Variants in EXOC4 observed in about 807,000 individuals in gnomAD.
The protein encoded by EXOC4 is SEC8-like 1.
A neutral mutation model predicts 107.2 loss-of-function variants in EXOC4; 71 were observed. The ratio of observed to expected loss-of-function variants is 0.66; its 90% CI spans 0.55 to 0.81. The LOEUF is 0.81. Among genes scored for constraint, EXOC4 ranks in the 30% least tolerant of loss-of-function variants. EXOC4 has a pLI of 0.00. For synonymous variants in EXOC4, 456 were observed against 441.2 expected (o/e 1.03, Z -0.42); for missense variants, 1,108 against 1,189.6 (o/e 0.93, Z 1.01).
At chr7:133,570,288 C>T (rs1800994912) in intron 9 of EXOC4, among the ~76,000 whole-genome samples, 1 of 152,156 alleles carries the variant, frequency 6.6e-6, no homozygotes, top group Non-Finnish European at 1.5e-5. Context: ...CTTACAGTCT[C>T]ACCAGTTAGT....
At chr7:133,300,265 A>G (rs1042223950) in intron 3 of EXOC4, among the ~76,000 whole-genome samples, 2 of 152,200 alleles carry the variant, frequency 1.3e-5, no homozygotes, top group African/African-American at 2.4e-5. Flanking sequence ...CTCCTGATGC[A>G]GCTGTCTTTG....
At chr7:133,480,346 T>A (rs1311598663) in intron 9 of EXOC4, 14 of 1,377,892 alleles carry the variant, frequency 1.0e-5, no homozygotes, top group Non-Finnish European at 1.2e-5. Flanking sequence ...GACCTGCTAC[T>A]GTTCAAGTGG....
At chr7:133,512,956 C>G (rs1584969222) in intron 9 of EXOC4, among the ~76,000 whole-genome samples, 1 of 152,040 alleles carries the variant, frequency 6.6e-6, no homozygotes, top group Non-Finnish European at 1.5e-5. Flanking sequence ...AATACAAAAA[C>G]TAGCCGGGCC....
At chr7:133,847,410 C>T (rs1236398821) in intron 11 of EXOC4, among the ~76,000 whole-genome samples, 8 of 149,350 alleles carry the variant, frequency 5.4e-5, no homozygotes, top group East Asian at 3.9e-4. Flanking sequence ...GACTGAGTCT[C>T]GCTCTGCCCC....
the EXOC4 span, among the ~76,000 whole-genome samples, chr7:134,099,164 G>C: frequency 6.6e-6 from 1 of 152,124 alleles, no homozygotes; most frequent in Admixed American, 6.5e-5. Context: ...GGTCATACTG[G>C]AGTAAGGTGA....
chr7:133,971,272 T>G (rs535346777), intron 14 of EXOC4, among the ~76,000 whole-genome samples: 1 of 133,302 alleles, frequency 7.5e-6, no homozygotes, highest in African/African-American at 2.6e-5. Flanking sequence ...TTGTTGGTTT[T>G]TTAAAAAAAA....
chr7:133,857,087 A>T (rs1221599685), intron 11 of EXOC4, among the ~76,000 whole-genome samples: 3 of 122,522 alleles, frequency 2.4e-5, no homozygotes, highest in Non-Finnish European at 3.3e-5. Context: ...ACAGAGAGAG[A>T]CTCCGTCTTT....
At chr7:133,910,272 T>A (rs1387086504) in intron 12 of EXOC4, among the ~76,000 whole-genome samples, 1 of 152,196 alleles carries the variant, frequency 6.6e-6, no homozygotes, top group East Asian at 1.9e-4. Flanking sequence ...TACAGTATAA[T>A]TTTTTTCTTC....
chr7:133,538,268 A>C (rs545193614), intron 9 of EXOC4, among the ~76,000 whole-genome samples: 2 of 152,202 alleles, frequency 1.3e-5, no homozygotes, highest in African/African-American at 4.8e-5. Context: ...ATTATCGGTC[A>C]TCCTTCATGG....
rs929830126 is a variant in EXOC4 at position 133,490,743 on chromosome 7, A to G, written c.1417+10605A>G. On this transcript the variant is annotated intron_variant, in intron 9 of 17. Coordinates refer to ENST00000253861, the MANE Select transcript of EXOC4 (RefSeq NM_021807.4). ...AGAGATTAAGAATTGATAAGAACCA[A>G]TGGTGTACTGGTGATATGGGAAAAT... Among the ~76,000 whole-genome samples the G allele has an allele frequency of 3.9e-5, 6 of 152,298 alleles. No individual in the cohort carries two copies. The East Asian group carries it at 5.8e-4, about 15-fold the overall frequency.
chr7:133,447,891 A>G (rs1450365412), intron 7 of EXOC4, among the ~76,000 whole-genome samples: 1 of 152,216 alleles, frequency 6.6e-6, no homozygotes, highest in African/African-American at 2.4e-5. Context: ...GTGAAAAATT[A>G]TTTCTGAAGT....
chr7:133,853,334 T>C (rs1215854199), intron 11 of EXOC4, among the ~76,000 whole-genome samples: 2 of 144,822 alleles, frequency 1.4e-5, no homozygotes, highest in Non-Finnish European at 3.0e-5. Flanking sequence ...TCTCTCTCTC[T>C]CTCTCTCTTT....
chr7:133,484,208 T>G (rs1799222555), intron 9 of EXOC4: 1 of 1,502,052 alleles, frequency 6.7e-7, no homozygotes, highest in Non-Finnish European at 8.9e-7. Context: ...TGAGATTTCT[T>G]TGGTGTTATC....
chr7:133,929,098 A>G (rs952970060), intron 13 of EXOC4, among the ~76,000 whole-genome samples: 1 of 151,542 alleles, frequency 6.6e-6, no homozygotes, highest in Admixed American at 6.6e-5. Flanking sequence ...ACACCCGGCT[A>G]TTTTTTGTAT....
At chr7:133,253,621 G>T in intron 1 of EXOC4, 2 of 606,128 alleles carry the variant, frequency 3.3e-6, no homozygotes, top group Non-Finnish European at 4.1e-6. Context: ...GTCACGAGTT[G>T]CAGATTTGTG....
chr7:133,283,289 G>T (rs934291292), intron 2 of EXOC4, among the ~76,000 whole-genome samples: 1 of 152,086 alleles, frequency 6.6e-6, no homozygotes, highest in Non-Finnish European at 1.5e-5. Context: ...TGCCCAGGCT[G>T]GTTTCAAACC....
At chr7:134,095,076 C>A in the EXOC4 span, among the ~76,000 whole-genome samples, 2 of 152,102 alleles carry the variant, frequency 1.3e-5, no homozygotes, top group Non-Finnish European at 2.9e-5. Context: ...CCGAAAGGCT[C>A]CTGGAACTAA....
rs1477031266 is a variant in EXOC4, at chr7:133,478,127, T to C, written c.1329-1923T>C. Among the ~76,000 whole-genome samples, 6 of 144,502 alleles carry C rather than the reference T, an allele frequency of 4.2e-5. No individual in the cohort carries two copies. In the East Asian group the frequency reaches 1.0e-3, roughly 25 times the overall value. The allele number at this position is 144,502 out of a possible 152,430, so 94.8% of individuals were successfully genotyped here. A position where few individuals can be genotyped will look rare whatever the true frequency, so the allele number is the denominator to read the frequency against. ...CGCCTAAGCAGGCCCTTTTCTTTTC[T>C]TTTTTTTTTTTTCTTTTCTCTATTT... is the stretch of plus-strand genomic sequence containing the variant. On this transcript the variant is annotated intron_variant, in intron 8 of 17. Transcript: ENST00000253861.
chr7:133,582,019 C>T lies in EXOC4; in HGVS notation c.1418-48026C>T, dbSNP rs115230019. Among the ~76,000 whole-genome samples, 368 of 152,090 alleles carry T rather than the reference C, an allele frequency of 2.4e-3. 5 individuals are homozygous for T. Among genetic ancestry groups the T allele is most frequent in the African/African-American group, 8.3e-3 (345 of 41,470 alleles). On this transcript the variant is annotated intron_variant, in intron 9 of 17. Transcript: ENST00000253861. ...TGAGAACAGCATGGAGAAATCTGCC[C>T]CCATGATTTAATCACCCCCTACCAG... is the stretch of plus-strand genomic sequence containing the variant.
Sources: allele counts gnomAD v4.1 joint callset (sites outside exome capture counted in the v4.1 genomes callset), GRCh38; gene constraint gnomAD v4.1.1; transcripts MANE v1.5; gene names NCBI Gene and HGNC (gene_info 2026-07-23, HGNC 2026-07-21).